CCDC83: variants seen among roughly 807,000 people sequenced by gnomAD.
CCDC83 encodes coiled-coil domain-containing protein 83.
Under a neutral mutation model 50.1 loss-of-function variants are expected in CCDC83, and 54 were observed. That is an observed-to-expected ratio of 1.08 (90% confidence interval 0.87 to 1.35). The LOEUF (loss-of-function observed/expected upper bound fraction) is 1.35. Ranked by LOEUF, CCDC83 falls within the 40% of genes most tolerant of loss-of-function variation. CCDC83 has a pLI of 0.00. For missense variants in CCDC83, 518 were observed against 473.9 expected (o/e 1.09, Z -0.86); for synonymous variants, 161 against 153.3 (o/e 1.05, Z -0.37).
intron 5 of CCDC83, among the ~76,000 whole-genome samples, chr11:85,894,050 A>G (rs2093361854): frequency 6.6e-6 from 1 of 152,164 alleles, no homozygotes; most frequent in Non-Finnish European, 1.5e-5. Flanking sequence ...TTCATTATAT[A>G]TTACAATGTA....
intron 2 of CCDC83, among the ~76,000 whole-genome samples, chr11:85,868,121 C>T (rs1047377492): frequency 4.6e-5 from 7 of 152,154 alleles, no homozygotes; most frequent in African/African-American, 7.2e-5. Flanking sequence ...GAACTTTTTT[C>T]AAATTTATCC....
At chr11:85,857,526 G>A (rs551351732) in intron 1 of CCDC83, among the ~76,000 whole-genome samples, 13 of 152,294 alleles carry the variant, frequency 8.5e-5, no homozygotes, top group South Asian at 2.1e-4. Flanking sequence ...AGCTCTTGTC[G>A]GGGATGTGAG....
At chr11:85,878,455 GC>G (rs2093280524) in intron 3 of CCDC83, among the ~76,000 whole-genome samples, 1 of 152,158 alleles carries the variant, frequency 6.6e-6, no homozygotes, top group African/African-American at 2.4e-5. Flanking sequence ...TTGGTACTTG[GC>G]TTTTTAAAAT....
intron 6 of CCDC83, among the ~76,000 whole-genome samples, chr11:85,898,024 G>C (rs142198823): frequency 0.013 from 1,997 of 152,056 alleles, 26 homozygotes; most frequent in Non-Finnish European, 0.021. Flanking sequence ...CAGGCACAGT[G>C]GTGGGCGCCT....
At chr11:85,909,588 G>C (rs979450578) in intron 7 of CCDC83, among the ~76,000 whole-genome samples, 2 of 138,628 alleles carry the variant, frequency 1.4e-5, no homozygotes, top group Admixed American at 1.5e-4. Flanking sequence ...GCCCTCTTTG[G>C]ACAAAAGTCA....
intron 3 of CCDC83, among the ~76,000 whole-genome samples, chr11:85,880,841 T>C (rs2093295650): frequency 6.6e-6 from 1 of 152,182 alleles, no homozygotes; most frequent in African/African-American, 2.4e-5. Flanking sequence ...CTTTTAGATT[T>C]TGGAATATCT....
In CCDC83 at chr11:85,865,884, T is replaced by C. The variant is rs1052859052; in HGVS notation, c.95+666T>C. Among the ~76,000 whole-genome samples, 12 of 151,306 alleles carry C rather than the reference T, an allele frequency of 7.9e-5. No homozygotes were observed. In the East Asian group the frequency reaches 2.1e-3, roughly 27 times the overall value. On this transcript the variant is annotated intron_variant, in intron 2 of 10. Coordinates refer to ENST00000342404, the MANE Select transcript of CCDC83 (RefSeq NM_001286159.2). ...GCCTGGGCAACAGAGCAAGATTCCA[T>C]TGAGGTTCCATCTCGAAAAAAAAAA...
intron 3 of CCDC83, among the ~76,000 whole-genome samples, chr11:85,874,827 A>G (rs1408759685): frequency 6.6e-6 from 1 of 152,172 alleles, no homozygotes; most frequent in Non-Finnish European, 1.5e-5. Flanking sequence ...GTGGCTTCCT[A>G]TTGCACAGAA....
intron 2 of CCDC83, 61 bp from the exon 3 acceptor site, chr11:85,873,150 A>C (rs1354239198): frequency 2.3e-6 from 2 of 879,558 alleles, no homozygotes; most frequent in Non-Finnish European, 3.4e-6. Flanking sequence ...ATACCTTTTA[A>C]ATTTTTTCTC....
chr11:85,894,957 A>G (rs7926953), intron 5 of CCDC83, among the ~76,000 whole-genome samples: 3,537 of 152,266 alleles, frequency 0.023, 132 homozygotes, highest in African/African-American at 0.08. Context: ...TCTTGAGAGG[A>G]CAGAGAATCC....
At chr11:85,865,357 CT>C in intron 2 of CCDC83, 139 bp downstream of exon 2, 1 of 628,410 alleles carries the variant, frequency 1.6e-6, no homozygotes, top group Non-Finnish European at 2.8e-6. Context: ...TAATTGCACT[CT>C]TGTGCTATGC....
intron 3 of CCDC83, among the ~76,000 whole-genome samples, chr11:85,873,951 GCTAA>G (rs2093254861): frequency 6.6e-6 from 1 of 152,130 alleles, no homozygotes; most frequent in African/African-American, 2.4e-5. Flanking sequence ...AACTTTCACA[GCTAA>G]CTGTTTTATT....
In CCDC83 at chr11:85,911,319, T is replaced by C; in HGVS notation, c.711T>C (p.Asn237=). Residue 237 remains asparagine (N), a synonymous_variant, in exon 8 of 11, where the codon AAT becomes AAC. Transcript: ENST00000342404. The stretch of plus-strand genomic sequence containing the variant: ...GGAAGGAAGTTGAAGAATTAAAAAA[T>C]GCTATTCATGAACTGGAAGCAGAAA... ...IHRKEVEELK[N]AIHELEAENL... The C allele has an allele frequency of 6.2e-7, 1 of 1,610,920 alleles. No individual in the cohort carries two copies. Among genetic ancestry groups the C allele is most frequent in the Non-Finnish European group, 8.5e-7 (1 of 1,178,388 alleles).
chr11:85,886,841 G>A (rs2093329396), intron 5 of CCDC83, among the ~76,000 whole-genome samples: 1 of 152,148 alleles, frequency 6.6e-6, no homozygotes, highest in African/African-American at 2.4e-5. Context: ...TGAGCCCCGT[G>A]GTCAAGGCTG....
At chr11:85,902,050 G>T (rs2093404975) in intron 7 of CCDC83, among the ~76,000 whole-genome samples, 1 of 151,642 alleles carries the variant, frequency 6.6e-6, no homozygotes, top group African/African-American at 2.4e-5. Context: ...AGAAAAAAAG[G>T]GCAAATAGAG....
chr11:85,869,532 G>A (rs936933241), intron 2 of CCDC83, among the ~76,000 whole-genome samples: 1 of 152,138 alleles, frequency 6.6e-6, no homozygotes. Context: ...GCATGGGTGG[G>A]GGGAACATTG....
At chr11:85,907,591 G>T (rs957981735) in intron 7 of CCDC83, among the ~76,000 whole-genome samples, 8 of 152,154 alleles carry the variant, frequency 5.3e-5, no homozygotes, top group African/African-American at 1.7e-4. Context: ...CATTTTGCTG[G>T]GGGGCAGCTG....
chr11:85,911,272 T>C lies in CCDC83; in HGVS notation c.673-9T>C. 1.3e-6 allele frequency: 2 copies of C among 1,598,272 alleles called. No individual in the cohort carries two copies. The highest frequency in any genetic ancestry group is 1.7e-6 in the Non-Finnish European group (2 of 1,172,478). On this transcript the variant is annotated splice_polypyrimidine_tract_variant and intron_variant, in intron 7 of 10. Transcript: ENST00000342404. The stretch of plus-strand genomic sequence containing the variant: ...AGTACCAACATTCATTCTCTTCTTC[T>C]GAGAACAGGTTGCAATTCACAGGAA...
chr11:85,868,314 G>A (rs979945171), intron 2 of CCDC83, among the ~76,000 whole-genome samples: 2 of 152,062 alleles, frequency 1.3e-5, no homozygotes, highest in Admixed American at 6.6e-5. Context: ...GAATATGGTC[G>A]TGAGTGAAAA....
Sources: allele counts gnomAD v4.1 joint callset (sites outside exome capture counted in the v4.1 genomes callset), GRCh38; gene constraint gnomAD v4.1.1; transcripts MANE v1.5; gene names NCBI Gene and HGNC (gene_info 2026-07-23, HGNC 2026-07-21).